The following AGMO variants were observed in gnomAD, a reference collection of about 807,000 sequenced individuals.
AGMO encodes alkylglycerol monooxygenase.
Under a neutral mutation model 60.2 loss-of-function variants are expected in AGMO, and 75 were observed. That is an observed-to-expected ratio of 1.25 (90% CI 1.03 to 1.51). The LOEUF (loss-of-function observed/expected upper bound fraction) is 1.51. AGMO is among the 40% of genes most tolerant of loss of function. AGMO has a pLI of 0.00. For missense variants in AGMO, 763 were observed against 525.5 expected (o/e 1.45, Z -4.42); for synonymous variants, 261 against 177.1 (o/e 1.47, Z -3.76).
intron 12 of AGMO, among the ~76,000 whole-genome samples, chr7:15,351,956 G>A (rs1056162184): frequency 4.6e-5 from 7 of 152,062 alleles, no homozygotes; most frequent in African/African-American, 1.7e-4. Context: ...ACCTAATAAA[G>A]CCCAGATAGC....
the AGMO span, among the ~76,000 whole-genome samples, chr7:15,183,594 A>G: frequency 6.6e-6 from 1 of 152,142 alleles, no homozygotes; most frequent in African/African-American, 2.4e-5. Context: ...TCAGATTCTT[A>G]CATTTAATGA....
At position 15,398,304 on chromosome 7, in the gene AGMO, G is replaced by T. The variant is rs1784466336; in HGVS notation, c.610-4125C>A. Among the ~76,000 whole-genome samples, 6 of 152,256 alleles carry T rather than the reference G, an allele frequency of 3.9e-5. No individual in the cohort carries two copies. The South Asian group carries it at 1.2e-3, about 32-fold the overall frequency. On this transcript the variant is annotated intron_variant, in intron 5 of 12. Coordinates refer to ENST00000342526, the MANE Select transcript of AGMO (RefSeq NM_001004320.2). ...TTTTAATGTCAAGCTCTTTATTGCG[G>T]TGAAAATCTTTTGCTCCTGCAGGCT...
chr7:15,482,542 T>C lies in AGMO; in HGVS notation c.410-51434A>G, dbSNP rs150053554. On this transcript the variant is annotated intron_variant, in intron 3 of 12. Transcript: ENST00000342526. Reference sequence around the variant, plus strand: ...CCCATACTAAATACCCAGGACCAGATTGTTTCACAACTGAATTACCCCAAA... The same window carrying C: ...CCCATACTAAATACCCAGGACCAGACTGTTTCACAACTGAATTACCCCAAA... 7.6e-4 allele frequency among the ~76,000 whole-genome samples: 116 copies of C among 152,216 alleles called. 2 individuals are homozygous for C. The highest frequency in any genetic ancestry group is 3.7e-4 in the Non-Finnish European group (25 of 67,964).
At chr7:15,357,429 C>T (rs1782580910) in intron 12 of AGMO, among the ~76,000 whole-genome samples, 1 of 151,872 alleles carries the variant, frequency 6.6e-6, no homozygotes, top group Non-Finnish European at 1.5e-5. Flanking sequence ...ATAAATAAAA[C>T]CTCAGCGTGG....
At chr7:15,397,466 G>T (rs984781039) in intron 5 of AGMO, among the ~76,000 whole-genome samples, 2 of 152,130 alleles carry the variant, frequency 1.3e-5, no homozygotes, top group African/African-American at 4.8e-5. Flanking sequence ...GCGCAGCGGC[G>T]GGCTGAAGGG....
chr7:15,406,565 C>CACACAA lies in AGMO; in HGVS notation c.609+11992_609+11993insTTGTGT, dbSNP rs1784699967. Among the ~76,000 whole-genome samples, 5 of 125,596 alleles carry CACACAA rather than the reference C, an allele frequency of 4.0e-5. No individual in the cohort carries two copies. The South Asian group carries it at 1.3e-3, about 33-fold the overall frequency. The allele number at this position is 125,596 out of a possible 152,430, so 82.4% of individuals were successfully genotyped here. On this transcript the variant is annotated intron_variant, in intron 5 of 12. Coordinates refer to ENST00000342526, the MANE Select transcript of AGMO (RefSeq NM_001004320.2). Reference sequence around the variant, plus strand: ...AAGGCCCCTTTGTTTGGAATACACACACACACACACACACACACACACACG... The same window carrying CACACAA: ...AAGGCCCCTTTGTTTGGAATACACACACACAAACACACACACACACACACACACACG...
chr7:15,325,649 T>C (rs1563088661), intron 12 of AGMO, among the ~76,000 whole-genome samples: 1 of 152,070 alleles, frequency 6.6e-6, no homozygotes, highest in South Asian at 2.1e-4. Context: ...CTCAAAACTT[T>C]AAAAGAAATG....
At chr7:15,411,206 A>G (rs956930922) in intron 5 of AGMO, among the ~76,000 whole-genome samples, 1 of 152,034 alleles carries the variant, frequency 6.6e-6, no homozygotes, top group African/African-American at 2.4e-5. Context: ...AACAGATGCC[A>G]GTACCTTGAT....
the AGMO span, among the ~76,000 whole-genome samples, chr7:15,130,517 C>A: frequency 6.6e-6 from 1 of 151,872 alleles, no homozygotes; most frequent in African/African-American, 2.4e-5. Context: ...TGTTCTATTA[C>A]GATATTTCAC....
intron 3 of AGMO, among the ~76,000 whole-genome samples, chr7:15,444,389 C>A (rs112938349): frequency 2.6e-5 from 4 of 152,230 alleles, no homozygotes; most frequent in South Asian, 2.1e-4. Context: ...TTATCTCCAG[C>A]ATGAGAAAAG....
chr7:15,338,709 CA>C (rs1781740488), intron 12 of AGMO, among the ~76,000 whole-genome samples: 1 of 152,108 alleles, frequency 6.6e-6, no homozygotes, highest in South Asian at 2.1e-4. Context: ...AATTTACTCC[CA>C]AAATTGTCAT....
the AGMO span, among the ~76,000 whole-genome samples, chr7:15,159,761 T>C: frequency 6.6e-6 from 1 of 152,108 alleles, no homozygotes; most frequent in Non-Finnish European, 1.5e-5. Flanking sequence ...TCAGAAAAAA[T>C]ATTTCAAAGC....
chr7:15,202,489 A>AAAAAAAAAAAAAAC (rs1277846759), intron 12 of AGMO, among the ~76,000 whole-genome samples: 2 of 132,054 alleles, frequency 1.5e-5, no homozygotes, highest in African/African-American at 2.9e-5. Flanking sequence ...AAAAAAAAAA[A>AAAAAAAAAAAAAAC]CCCTCCCAAA....
chr7:15,382,503 G>C (rs1309286991), intron 10 of AGMO, among the ~76,000 whole-genome samples: 1 of 152,138 alleles, frequency 6.6e-6, no homozygotes, highest in Non-Finnish European at 1.5e-5. Context: ...TCGCTCAGAA[G>C]AAATGTGTCT....
At chr7:15,303,500 C>A (rs563081536) in intron 12 of AGMO, among the ~76,000 whole-genome samples, 83 of 151,576 alleles carry the variant, frequency 5.5e-4, no homozygotes, top group African/African-American at 1.8e-3. Flanking sequence ...GAAACAGGAA[C>A]AAGGTCATAT....
At chr7:15,173,817 T>G in the AGMO span, among the ~76,000 whole-genome samples, 1 of 151,616 alleles carries the variant, frequency 6.6e-6, no homozygotes, top group Non-Finnish European at 1.5e-5. Context: ...TTTTTGGTAT[T>G]TCTTTCTTTT....
chr7:15,391,312 C>T (rs964963866), intron 6 of AGMO, among the ~76,000 whole-genome samples: 1 of 151,938 alleles, frequency 6.6e-6, no homozygotes, highest in East Asian at 1.9e-4. Flanking sequence ...GGATGTCTAT[C>T]CTTTTTAACT....
intron 3 of AGMO, among the ~76,000 whole-genome samples, chr7:15,461,970 T>G (rs1782155185): frequency 6.6e-6 from 1 of 152,066 alleles, no homozygotes; most frequent in African/African-American, 2.4e-5. Flanking sequence ...ATGGTCCAAA[T>G]AATTCATAAT....
At chr7:15,299,996 A>G (rs1258353687) in intron 12 of AGMO, among the ~76,000 whole-genome samples, 2 of 152,172 alleles carry the variant, frequency 1.3e-5, no homozygotes, top group East Asian at 3.9e-4. Flanking sequence ...TGTGAATACT[A>G]TTAAATAGAA....
Sources: gnomAD v4.1 joint callset for allele counts (sites outside exome capture counted in the v4.1 genomes callset) on GRCh38, gnomAD v4.1.1 for gene constraint, MANE v1.5 for transcripts, NCBI Gene and HGNC (gene_info 2026-07-23, HGNC 2026-07-21) for gene names.